RPS6KA1: variants seen among roughly 807,000 people sequenced by gnomAD.
The protein encoded by RPS6KA1 is ribosomal protein S6 kinase alpha-1.
In RPS6KA1, 48 loss-of-function variants were observed where a neutral mutation model predicts 91.3. The ratio of observed to expected loss-of-function variants is 0.53; its 90% CI spans 0.42 to 0.67. The LOEUF is 0.67. Ranked by LOEUF, RPS6KA1 falls within the 30% of genes least tolerant of loss-of-function variation. The probability of loss-of-function intolerance (pLI) is 0.00; values close to 1 mark genes in which losing one functional copy is unlikely to be tolerated. For missense variants in RPS6KA1, 719 were observed against 960.5 expected (o/e 0.75, Z 3.32); for synonymous variants, 359 against 384.7 (o/e 0.93, Z 0.78).
intron 17 of RPS6KA1, among the ~76,000 whole-genome samples, chr1:26,562,866 T>C (rs1190445985): frequency 1.4e-5 from 2 of 146,154 alleles, no homozygotes; most frequent in Non-Finnish European, 3.0e-5. Context: ...GATAGAGTCT[T>C]GCTCCTGTCG....
Position 26,574,399 on chromosome 1 carries a change from C to T in RPS6KA1, c.*198C>T. 1.3e-6 allele frequency: 1 copy of T among 790,890 alleles called. No homozygotes were observed. The allele number at this position is 790,890 out of a possible 1,614,324, so 49.0% of individuals were successfully genotyped here. A position where few individuals can be genotyped will look rare whatever the true frequency, so the allele number is the denominator to read the frequency against. ...CAGGATGGACTCTTCTCGGCTCAGG[C>T]TCTGCTGGTGGAAAGCGATTCACTG... is the stretch of plus-strand genomic sequence containing the variant. On this transcript the variant is annotated 3_prime_UTR_variant, in exon 22 of 22. Transcript: ENST00000374168. This position sits in a 1 kb window ranked among gnomAD's most constrained non-coding sequence, Gnocchi z 4.3.
rs923359957 is a variant in RPS6KA1 at position 26,561,907 on chromosome 1, A to T, written c.1590+244A>T. ...AGGCACCATGGTAAGGTTTAGCATA[A>T]GATGAAGTTTCCAGACCAGGCATGG... On this transcript the variant is annotated intron_variant, in intron 17 of 21. Transcript: ENST00000374168. This position sits in a 1 kb window ranked among gnomAD's most constrained non-coding sequence, Gnocchi z 5.7. Among the ~76,000 whole-genome samples the T allele has an allele frequency of 6.6e-6, 1 of 152,104 alleles. No homozygotes were observed. Among genetic ancestry groups the T allele is most frequent in the African/African-American group, 2.4e-5 (1 of 41,402 alleles).
chr1:26,531,656 G>T (rs1227885743), intron 1 of RPS6KA1, among the ~76,000 whole-genome samples: 1 of 152,208 alleles, frequency 6.6e-6, no homozygotes, highest in Non-Finnish European at 1.5e-5. Context: ...GACTTCCTGG[G>T]ATTGGTGGGG....
intron 17 of RPS6KA1, among the ~76,000 whole-genome samples, chr1:26,569,782 TG>T (rs1176816061): frequency 6.6e-6 from 1 of 152,168 alleles, no homozygotes; most frequent in Non-Finnish European, 1.5e-5. Context: ...GTGCTGAAGG[TG>T]AACGGGCATT....
chr1:26,574,333 A>T lies in RPS6KA1; in HGVS notation c.*132A>T. 9.1e-7 allele frequency: 1 copy of T among 1,100,210 alleles called. No homozygotes were observed. The highest frequency in any genetic ancestry group is 1.4e-6 in the Non-Finnish European group (1 of 713,982). 68.2% of individuals were successfully genotyped at this position (1,100,210 alleles called of 1,614,324 possible). A position where few individuals can be genotyped will look rare whatever the true frequency, so the allele number is the denominator to read the frequency against. On this transcript the variant is annotated 3_prime_UTR_variant, in exon 22 of 22. Transcript: ENST00000374168. This position sits in a 1 kb window ranked among gnomAD's most constrained non-coding sequence, Gnocchi z 4.3. The stretch of plus-strand genomic sequence containing the variant: ...GGGGCCGGGGAAGCTGCCAGCCCAG[A>T]ACACCCCTAATGAGGGTGTGAGAAG...
intron 6 of RPS6KA1, chr1:26,552,701 G>A (rs2076063786): frequency 4.6e-6 from 1 of 217,076 alleles, no homozygotes; most frequent in African/African-American, 2.4e-5. Flanking sequence ...TGGCCAGGCT[G>A]GTCTCGAACT....
intron 17 of RPS6KA1, among the ~76,000 whole-genome samples, chr1:26,569,975 C>A (rs1448171660): frequency 6.6e-6 from 1 of 152,076 alleles, no homozygotes; most frequent in East Asian, 1.9e-4. Context: ...TGACAATGCC[C>A]AGGGAGGTTC....
chr1:26,536,319 T>C (rs1234654641), intron 1 of RPS6KA1, among the ~76,000 whole-genome samples: 1 of 152,142 alleles, frequency 6.6e-6, no homozygotes, highest in African/African-American at 2.4e-5. Flanking sequence ...TGTGTGTAAA[T>C]AGTCCCTGCA....
rs369721857 is a variant in RPS6KA1, at chr1:26,572,234, G to A, written c.1888G>A (p.Gly630Ser). The A allele has an allele frequency of 1.6e-5, 26 of 1,613,866 alleles. 1 individual carries two copies. The highest frequency in any genetic ancestry group is 8.9e-5 in the East Asian group (4 of 44,874). ...DTPEEILTRI[G>S]SGKFTLSGGN... Reference sequence around the variant, plus strand: ...ACCAGAGGAAATCCTAACCCGGATCGGCAGTGGGAAGTTTACCCTCAGTGG... The same window carrying A: ...ACCAGAGGAAATCCTAACCCGGATCAGCAGTGGGAAGTTTACCCTCAGTGG... The change falls in exon 20 of 22, where the codon GGC (glycine) becomes AGC (serine). Residue 630 changes from glycine to serine, a missense_variant. Gly to Ser is a moderately conservative substitution (Grantham distance 56). Coordinates refer to ENST00000374168, the MANE Select transcript of RPS6KA1 (RefSeq NM_002953.4).
At position 26,559,569 on chromosome 1, in the gene RPS6KA1, G is replaced by A. The variant is rs535671473; in HGVS notation, c.1215+632G>A. Reference sequence around the variant, plus strand: ...TTTTTTTTGTATTTTTAGTAGAGACGGGGTTTTACCATGTTGGCTAGGCTG... The same window carrying A: ...TTTTTTTTGTATTTTTAGTAGAGACAGGGTTTTACCATGTTGGCTAGGCTG... On this transcript the variant is annotated intron_variant, in intron 14 of 21. Transcript: ENST00000374168. 4.3e-3 allele frequency among the ~76,000 whole-genome samples: 634 copies of A among 147,852 alleles called. 5 individuals are homozygous for A. The highest frequency in any genetic ancestry group is 0.015 in the African/African-American group (593 of 39,970).
rs558185155 is a variant in RPS6KA1 at position 26,556,940 on chromosome 1, G to A, written c.982-58G>A. ...AGCCCAGCACCTCCTCCTGCATGGGGCTCCTGGTGGGCTGTTGAGGATGCC... is the reference window on the plus strand; with the variant it reads ...AGCCCAGCACCTCCTCCTGCATGGGACTCCTGGTGGGCTGTTGAGGATGCC... On this transcript the variant is annotated intron_variant, in intron 12 of 21. Coordinates refer to ENST00000374168, the MANE Select transcript of RPS6KA1 (RefSeq NM_002953.4). The A allele has an allele frequency of 1.9e-4, 257 of 1,364,874 alleles. 2 individuals are homozygous for A. In the African/African-American group the frequency reaches 3.2e-3, roughly 17 times the overall value. 84.5% of individuals were successfully genotyped at this position (1,364,874 alleles called of 1,614,324 possible).
At chr1:26,535,839 G>A (rs1380318306) in intron 1 of RPS6KA1, among the ~76,000 whole-genome samples, 1 of 152,000 alleles carries the variant, frequency 6.6e-6, no homozygotes, top group Admixed American at 6.6e-5. Context: ...ACCTCCCAGG[G>A]CTGTCATGAG....
At position 26,537,331 on chromosome 1, in the gene RPS6KA1, C is replaced by T. The variant is rs184000145; in HGVS notation, c.108+362C>T. Among the ~76,000 whole-genome samples, 35 of 152,278 alleles carry T rather than the reference C, an allele frequency of 2.3e-4. No individual in the cohort carries two copies. In the East Asian group the frequency reaches 5.6e-3, roughly 24 times the overall value. ...TGTCCTGCTCCTTTTGGTAGAGCTG[C>T]GCTTGCCAAGAGCCTGGAAGTGAGC... is the stretch of plus-strand genomic sequence containing the variant. On this transcript the variant is annotated intron_variant, in intron 2 of 21. Transcript: ENST00000374168.
In RPS6KA1 at chr1:26,561,230, C is replaced by A; in HGVS notation, c.1431+96C>A. On this transcript the variant is annotated intron_variant, in intron 16 of 21. Transcript: ENST00000374168. This position sits in a 1 kb window ranked among gnomAD's most constrained non-coding sequence, Gnocchi z 5.7. The stretch of plus-strand genomic sequence containing the variant: ...ATTCCTTTGACTTCTCATCCTCTTT[C>A]CAGTGGTCATGTGGAGGGGAAGGAG... 8.2e-7 allele frequency: 1 copy of A among 1,226,704 alleles called. No homozygotes were observed. Among genetic ancestry groups the A allele is most frequent in the Non-Finnish European group, 1.2e-6 (1 of 848,720 alleles). The allele number at this position is 1,226,704 out of a possible 1,614,324, so 76.0% of individuals were successfully genotyped here. A position where few individuals can be genotyped will look rare whatever the true frequency, so the allele number is the denominator to read the frequency against.
rs758780479 is a variant in RPS6KA1 at position 26,574,212 on chromosome 1, C to T, written c.*11C>T. On this transcript the variant is annotated 3_prime_UTR_variant, in exon 22 of 22. Transcript: ENST00000374168. This position sits in a 1 kb window ranked among gnomAD's most constrained non-coding sequence, Gnocchi z 4.3. ...TCCACCACCCTGTGAGGCACCAGGG[C>T]ATTCGGGCCACAGGGCGGTGCTAGC... 1.9e-6 allele frequency: 3 copies of T among 1,614,028 alleles called. No individual in the cohort carries two copies. In the Admixed American group the frequency reaches 5.0e-5, roughly 27 times the overall value.
Position 26,574,385 on chromosome 1 carries a change from CTT to C in RPS6KA1, c.*185_*186del, listed in dbSNP as rs1458454197. The C allele has an allele frequency of 1.2e-6, 1 of 808,408 alleles. No individual in the cohort carries two copies. The highest frequency in any genetic ancestry group is 2.2e-6 in the Non-Finnish European group (1 of 447,342). 50.1% of individuals were successfully genotyped at this position (808,408 alleles called of 1,614,324 possible). ...GCCTTCTCCTTCCCCAGGATGGACT[CTT>C]CTCGGCTCAGGCTCTGCTGGTGGAA... On this transcript the variant is annotated 3_prime_UTR_variant, in exon 22 of 22. Transcript: ENST00000374168. This position sits in a 1 kb window ranked among gnomAD's most constrained non-coding sequence, Gnocchi z 4.3.
At chr1:26,570,077 G>C (rs762372770) in intron 17 of RPS6KA1, among the ~76,000 whole-genome samples, 2 of 152,162 alleles carry the variant, frequency 1.3e-5, no homozygotes, top group Non-Finnish European at 2.9e-5. Flanking sequence ...AACATCCAGT[G>C]GTTGCCTTGT....
At chr1:26,544,773 C>G (rs1285115620) in intron 2 of RPS6KA1, among the ~76,000 whole-genome samples, 1 of 152,046 alleles carries the variant, frequency 6.6e-6, no homozygotes, top group Non-Finnish European at 1.5e-5. Flanking sequence ...CACGCCCAGC[C>G]TGCCTGTTGG....
intron 2 of RPS6KA1, among the ~76,000 whole-genome samples, chr1:26,538,414 T>C (rs1451386281): frequency 3.3e-5 from 5 of 152,194 alleles, no homozygotes; most frequent in Non-Finnish European, 4.4e-5. Flanking sequence ...AGGAGCTTAC[T>C]GGGAGATGGC....
Sources: gnomAD v4.1 joint callset for allele counts (sites outside exome capture counted in the v4.1 genomes callset) on GRCh38, gnomAD v4.1.1 for gene constraint, Gnocchi (gnomAD v3.1) non-coding constraint, MANE v1.5 for transcripts, NCBI Gene and HGNC (gene_info 2026-07-23, HGNC 2026-07-21) for gene names.